Variants in E2F3 observed in about 807,000 individuals in gnomAD.
E2F3 encodes transcription factor E2F3.
In E2F3, 11 loss-of-function variants were observed where a neutral mutation model predicts 44.4. The observed-to-expected ratio is 0.25, with a 90% CI of 0.16 to 0.41. The LOEUF is 0.41. E2F3 is among the 10% of genes least tolerant of loss of function. E2F3 has a pLI of 1.00. For missense variants in E2F3, 487 were observed against 583.6 expected (o/e 0.83, Z 1.70); for synonymous variants, 249 against 253.0 (o/e 0.98, Z 0.15).
At chr6:20,409,380 T>C (rs1581566359) in intron 1 of E2F3, among the ~76,000 whole-genome samples, 1 of 152,274 alleles carries the variant, frequency 6.6e-6, no homozygotes, top group East Asian at 1.9e-4. Context: ...TAAAGATTTA[T>C]TTGATATTCG....
chr6:20,453,075 C>T (rs1264876456), intron 1 of E2F3, among the ~76,000 whole-genome samples: 4 of 152,084 alleles, frequency 2.6e-5, no homozygotes, highest in Non-Finnish European at 4.4e-5. Flanking sequence ...TGGATTCTTG[C>T]TCTTTTTCTT....
intron 1 of E2F3, among the ~76,000 whole-genome samples, chr6:20,438,749 C>G (rs1760674963): frequency 6.6e-6 from 1 of 152,070 alleles, no homozygotes; most frequent in Admixed American, 6.6e-5. Flanking sequence ...AATTTGGGCA[C>G]CAGAGTGGAT....
intron 1 of E2F3, among the ~76,000 whole-genome samples, chr6:20,444,105 G>T (rs1760861463): frequency 6.6e-6 from 1 of 152,118 alleles, no homozygotes; most frequent in African/African-American, 2.4e-5. Flanking sequence ...TACTTGGAAG[G>T]CTGAGCCCAG....
At chr6:20,471,593 TAA>T (rs1394637013) in intron 1 of E2F3, among the ~76,000 whole-genome samples, 2 of 152,142 alleles carry the variant, frequency 1.3e-5, no homozygotes, top group South Asian at 2.1e-4. Context: ...AAAAATAAAA[TAA>T]AAATATGTTG....
intron 1 of E2F3, among the ~76,000 whole-genome samples, chr6:20,421,274 G>T (rs1346961410): frequency 6.6e-6 from 1 of 152,194 alleles, no homozygotes; most frequent in Non-Finnish European, 1.5e-5. Context: ...TTAACCATGA[G>T]TGTTGATATT....
intron 1 of E2F3, among the ~76,000 whole-genome samples, chr6:20,431,761 C>T (rs894869300): frequency 6.6e-6 from 1 of 152,184 alleles, no homozygotes. Context: ...TTGTCTCAGC[C>T]TCTGTTTTTG....
chr6:20,436,464 CACACACACACACACAG>C lies in E2F3; in HGVS notation c.393+33841_393+33856del, dbSNP rs1266149030. 3.6e-3 allele frequency among the ~76,000 whole-genome samples: 490 copies of C among 137,622 alleles called. 3 individuals carry two copies. The highest frequency in any genetic ancestry group is 0.012 in the African/African-American group (463 of 37,850). 90.3% of individuals were successfully genotyped at this position (137,622 alleles called of 152,430 possible). ...TGATGAGCTAGGAAACACACACACACACACACACACACACAGAGAGAGAGAGAGAGAAAAATTTTGT... is the reference window on the plus strand; with the variant it reads ...TGATGAGCTAGGAAACACACACACACAGAGAGAGAGAGAGAAAAATTTTGT... On this transcript the variant is annotated intron_variant, in intron 1 of 6. Coordinates refer to ENST00000346618, the MANE Select transcript of E2F3 (RefSeq NM_001949.5).
At chr6:20,471,087 T>C (rs1761873619) in intron 1 of E2F3, among the ~76,000 whole-genome samples, 1 of 152,262 alleles carries the variant, frequency 6.6e-6, no homozygotes, top group Non-Finnish European at 1.5e-5. Context: ...AGATTAATGC[T>C]TTTCAACTAT....
chr6:20,489,638 T>C (rs186294919), intron 6 of E2F3, among the ~76,000 whole-genome samples: 1 of 152,308 alleles, frequency 6.6e-6, no homozygotes, highest in East Asian at 1.9e-4. Context: ...GCATTCTTGT[T>C]TATTGACAGT....
At chr6:20,458,802 A>T (rs994725028) in intron 1 of E2F3, among the ~76,000 whole-genome samples, 2 of 152,194 alleles carry the variant, frequency 1.3e-5, no homozygotes, top group Non-Finnish European at 2.9e-5. Flanking sequence ...AGTCTTTGGG[A>T]AGAACAATTA....
chr6:20,407,303 A>C (rs945937008), intron 1 of E2F3, among the ~76,000 whole-genome samples: 1 of 152,198 alleles, frequency 6.6e-6, no homozygotes, highest in Non-Finnish European at 1.5e-5. Context: ...CTCCACTATA[A>C]TCAGTACCAA....
intron 1 of E2F3, among the ~76,000 whole-genome samples, chr6:20,479,362 A>G (rs959495134): frequency 6.6e-6 from 1 of 152,260 alleles, no homozygotes; most frequent in Non-Finnish European, 1.5e-5. Flanking sequence ...TGAGAAACAG[A>G]TAAGTCTTAC....
Position 20,417,930 on chromosome 6 carries a change from C to G in E2F3, c.393+15305C>G, listed in dbSNP as rs193012830. 3.5e-4 allele frequency among the ~76,000 whole-genome samples: 54 copies of G among 152,260 alleles called. 2 individuals are homozygous for G. The highest frequency in any genetic ancestry group is 3.3e-3 in the Admixed American group (50 of 15,288). Reference sequence around the variant, plus strand: ...TGTCTACCTACAGCCAAAACAAGTTCTGGTTACAGTGACAGTTTTAAGTTT... The same window carrying G: ...TGTCTACCTACAGCCAAAACAAGTTGTGGTTACAGTGACAGTTTTAAGTTT... On this transcript the variant is annotated intron_variant, in intron 1 of 6. Transcript: ENST00000346618.
At chr6:20,409,659 A>T (rs1034411505) in intron 1 of E2F3, among the ~76,000 whole-genome samples, 2 of 152,242 alleles carry the variant, frequency 1.3e-5, no homozygotes, top group African/African-American at 4.8e-5. Context: ...CAAAGTGGCT[A>T]ATCAGTTAAC....
rs546135295 is a variant in E2F3 at position 20,450,011 on chromosome 6, G to A, written c.394-29835G>A. ...TATATGTACCACATTTTCATTATCCGGTCTATCATTGGTGAGCATTTAGGT... is the reference window on the plus strand; with the variant it reads ...TATATGTACCACATTTTCATTATCCAGTCTATCATTGGTGAGCATTTAGGT... On this transcript the variant is annotated intron_variant, in intron 1 of 6. Transcript: ENST00000346618. 8.7e-4 allele frequency among the ~76,000 whole-genome samples: 133 copies of A among 152,164 alleles called. 1 individual carries two copies. Among genetic ancestry groups the A allele is most frequent in the African/African-American group, 3.0e-3 (126 of 41,518 alleles).
chr6:20,428,198 A>G (rs911898987), intron 1 of E2F3, among the ~76,000 whole-genome samples: 4 of 152,046 alleles, frequency 2.6e-5, no homozygotes, highest in African/African-American at 9.7e-5. Context: ...TCTCTTTTCT[A>G]GACCCAAACT....
intron 1 of E2F3, among the ~76,000 whole-genome samples, chr6:20,415,551 G>A (rs766689185): frequency 2.0e-5 from 3 of 152,014 alleles, no homozygotes; most frequent in South Asian, 2.1e-4. Context: ...AATGTCCCCG[G>A]GAAGCAAAAT....
At chr6:20,450,012 G>A (rs1002716560) in intron 1 of E2F3, among the ~76,000 whole-genome samples, 2 of 152,228 alleles carry the variant, frequency 1.3e-5, no homozygotes, top group Non-Finnish European at 2.9e-5. Flanking sequence ...TCATTATCCG[G>A]TCTATCATTG....
At chr6:20,423,215 G>A (rs758285435) in intron 1 of E2F3, among the ~76,000 whole-genome samples, 8 of 152,186 alleles carry the variant, frequency 5.3e-5, no homozygotes, top group Non-Finnish European at 1.0e-4. Context: ...ATCATAGAGA[G>A]TACTTACACA....
Sources: allele counts gnomAD v4.1 joint callset (sites outside exome capture counted in the v4.1 genomes callset), GRCh38; gene constraint gnomAD v4.1.1; transcripts MANE v1.5; gene names NCBI Gene and HGNC (gene_info 2026-07-23, HGNC 2026-07-21).